HERC2: variants seen among roughly 807,000 people sequenced by gnomAD.
HERC2 encodes HECT and RLD domain containing E3 ubiquitin protein ligase 2, also known as E3 ubiquitin-protein ligase HERC2.
A neutral mutation model predicts 537.7 loss-of-function variants in HERC2; 102 were observed. The ratio of observed to expected loss-of-function variants is 0.19; its 90% confidence interval spans 0.16 to 0.22. The LOEUF (loss-of-function observed/expected upper bound fraction) is 0.22, where lower values mean the gene tolerates loss of function less well. HERC2 is among the 10% of genes least tolerant of loss of function. The pLI is 1.00. For synonymous variants in HERC2, 2,224 were observed against 2,466.2 expected (o/e 0.90, Z 2.91); for missense variants, 4,236 against 6,198.2 (o/e 0.68, Z 10.63).
chr15:28,304,567 C>T (rs1312747004), intron 2 of HERC2, among the ~76,000 whole-genome samples: 13 of 151,966 alleles, frequency 8.6e-5, no homozygotes, highest in African/African-American at 2.7e-4. Context: ...AGGGTATCAC[C>T]GTGTTGGCCA....
chr15:28,174,901 T>C (rs1318865176), intron 64 of HERC2, among the ~76,000 whole-genome samples: 1 of 152,082 alleles, frequency 6.6e-6, no homozygotes, highest in African/African-American at 2.4e-5. Flanking sequence ...CAGAAGGTCC[T>C]CTCTCTAACT....
chr15:28,262,790 T>C (rs2140937464), intron 15 of HERC2, 128 bp downstream of exon 15: 1 of 951,616 alleles, frequency 1.1e-6, no homozygotes, highest in Non-Finnish European at 1.6e-6. Context: ...ATTCATGGAA[T>C]GTCAGGTTAA....
chr15:28,273,141 A>G (rs1005668867), intron 7 of HERC2, 137 bp from the exon 8 acceptor site: 4 of 680,890 alleles, frequency 5.9e-6, no homozygotes, highest in African/African-American at 5.4e-5. Context: ...AGTTTCTGAT[A>G]CTTGCTACTC....
intron 4 of HERC2, among the ~76,000 whole-genome samples, chr15:28,289,646 C>T (rs1237713081): frequency 6.6e-6 from 1 of 152,180 alleles, no homozygotes; most frequent in Non-Finnish European, 1.5e-5. Context: ...AGAGAAGTGT[C>T]CTTATCTATG....
At chr15:28,216,411 A>T (rs1899911028) in intron 38 of HERC2, among the ~76,000 whole-genome samples, 1 of 150,894 alleles carries the variant, frequency 6.6e-6, no homozygotes, top group African/African-American at 2.4e-5. Flanking sequence ...ACACCACTGG[A>T]TTCTAGCACC....
At position 28,181,423 on chromosome 15, in the gene HERC2, A is replaced by G. The variant is rs7176260; in HGVS notation, c.8937+978T>C. Among the ~76,000 whole-genome samples the G allele has an allele frequency of 3.9e-3, 590 of 152,322 alleles. 2 individuals are homozygous for G. The highest frequency in any genetic ancestry group is 0.014 in the African/African-American group (565 of 41,572). On this transcript the variant is annotated intron_variant, in intron 57 of 92. Transcript: ENST00000261609. ...TCAGGTACACTGAAACACAAATGCA[A>G]TTCAAGACTGCTCCAATACAGATAA... is the stretch of plus-strand genomic sequence containing the variant.
Position 28,113,004 on chromosome 15 carries a change from T to G in HERC2, c.14232+67A>C. ...TTTCCATGTGCTGCAGGACTGTGGG[T>G]GAGGAGCCAGCCACCCACCGTCGGC... On this transcript the variant is annotated intron_variant, in intron 92 of 92. Transcript: ENST00000261609. The surrounding 1 kb of genome is among the most constrained non-coding windows in gnomAD (Gnocchi z 7.0). 1 of 1,321,032 alleles carries G rather than the reference T, an allele frequency of 7.6e-7. No homozygotes were observed. Among genetic ancestry groups the G allele is most frequent in the Non-Finnish European group, 1.1e-6 (1 of 937,410 alleles). The allele number at this position is 1,321,032 out of a possible 1,614,324, so 81.8% of individuals were successfully genotyped here. A position where few individuals can be genotyped will look rare whatever the true frequency, so the allele number is the denominator to read the frequency against.
intron 20 of HERC2, among the ~76,000 whole-genome samples, chr15:28,252,165 T>C (rs1596325766): frequency 1.3e-5 from 2 of 152,164 alleles, no homozygotes; most frequent in Admixed American, 1.3e-4. Context: ...GTCTCAGCTA[T>C]GATGGATACA....
chr15:28,292,295 T>A (rs867837091), intron 4 of HERC2, among the ~76,000 whole-genome samples: 4 of 142,746 alleles, frequency 2.8e-5, no homozygotes, highest in Non-Finnish European at 4.6e-5. Context: ...AGTGAATGTA[T>A]ACAAATGGTC....
At chr15:28,139,924 C>G (rs1372486333) in intron 78 of HERC2, among the ~76,000 whole-genome samples, 1 of 149,770 alleles carries the variant, frequency 6.7e-6, no homozygotes, top group Non-Finnish European at 1.5e-5. Context: ...AAAGATTAGC[C>G]AGGCGTGGTG....
chr15:28,218,205 C>A (rs1219895703), intron 38 of HERC2, among the ~76,000 whole-genome samples: 2 of 151,722 alleles, frequency 1.3e-5, no homozygotes, highest in Non-Finnish European at 2.9e-5. Flanking sequence ...GACACCTCTA[C>A]AAGCCGAGGA....
intron 79 of HERC2, among the ~76,000 whole-genome samples, chr15:28,135,162 A>G (rs1890505102): frequency 6.6e-6 from 1 of 152,106 alleles, no homozygotes; most frequent in South Asian, 2.1e-4. Flanking sequence ...CAGTTTTAGT[A>G]TCACGCACGT....
At chr15:28,154,704 C>A (rs1351326236) in intron 69 of HERC2, among the ~76,000 whole-genome samples, 1 of 152,210 alleles carries the variant, frequency 6.6e-6, no homozygotes, top group Non-Finnish European at 1.5e-5. Flanking sequence ...ATAAAGGTAA[C>A]CCCTACCCTC....
intron 30 of HERC2, among the ~76,000 whole-genome samples, chr15:28,232,868 T>C (rs561643268): frequency 3.3e-5 from 5 of 152,368 alleles, no homozygotes; most frequent in East Asian, 1.9e-4. Context: ...TACTTCCTTG[T>C]TCCCATCAAT....
rs11633252 is a variant in HERC2, at chr15:28,133,152, A to G, written c.12231-322T>C. On this transcript the variant is annotated intron_variant, in intron 79 of 92. Coordinates refer to ENST00000261609, the MANE Select transcript of HERC2 (RefSeq NM_004667.6). The stretch of plus-strand genomic sequence containing the variant: ...TTTTAACGGGTTTAAAAAAAAAAAA[A>G]AAGAATCATATGCAACTCCTAAAAT... Among the ~76,000 whole-genome samples the G allele has an allele frequency of 1.1e-4, 17 of 152,160 alleles. 1 individual carries two copies. Among genetic ancestry groups the G allele is most frequent in the Non-Finnish European group, 1.6e-4 (11 of 68,026 alleles).
intron 81 of HERC2, 149 bp downstream of exon 81, chr15:28,131,951 C>T (rs1310693428): frequency 5.1e-6 from 3 of 591,754 alleles, no homozygotes; most frequent in South Asian, 5.9e-5. Context: ...TTTACTGGAA[C>T]GAAGGTAAAG....
At chr15:28,239,828 A>G (rs1902864160) in intron 23 of HERC2, among the ~76,000 whole-genome samples, 1 of 152,206 alleles carries the variant, frequency 6.6e-6, no homozygotes, top group South Asian at 2.1e-4. Flanking sequence ...TTTGAAAAAG[A>G]AAACGGTATG....
intron 20 of HERC2, among the ~76,000 whole-genome samples, chr15:28,251,872 A>G (rs570679945): frequency 4.6e-5 from 7 of 152,350 alleles, no homozygotes; most frequent in South Asian, 4.1e-4. Context: ...TTTCAACATG[A>G]TATCACTATA....
intron 4 of HERC2, among the ~76,000 whole-genome samples, chr15:28,287,518 A>G (rs1302639870): frequency 1.3e-5 from 2 of 152,102 alleles, no homozygotes; most frequent in Non-Finnish European, 2.9e-5. Flanking sequence ...GTACTTTGAT[A>G]CCTAGGTGAG....
Sources: allele counts gnomAD v4.1 joint callset (sites outside exome capture counted in the v4.1 genomes callset), GRCh38; gene constraint gnomAD v4.1.1; non-coding constraint Gnocchi (gnomAD v3.1); transcripts MANE v1.5; gene names NCBI Gene and HGNC (gene_info 2026-07-23, HGNC 2026-07-21).